The following CSRP1 variants were observed in gnomAD, a reference collection of about 807,000 sequenced individuals.
CSRP1 encodes the protein cysteine and glycine rich protein 1.
A neutral mutation model predicts 25.4 loss-of-function variants in CSRP1; 16 were observed. That is an observed-to-expected ratio of 0.63 (90% CI 0.43 to 0.96). The LOEUF (loss-of-function observed/expected upper bound fraction) is 0.96. Ranked by LOEUF, CSRP1 falls within the 40% of genes least tolerant of loss-of-function variation. The probability of loss-of-function intolerance (pLI) is 0.00; values close to 1 mark genes in which losing one functional copy is unlikely to be tolerated. For synonymous variants in CSRP1, 97 were observed against 95.3 expected (o/e 1.02, Z -0.10); for missense variants, 212 against 243.6 (o/e 0.87, Z 0.86).
chr1:201,493,140 C>T (rs975204772), intron 2 of CSRP1, among the ~76,000 whole-genome samples: 2 of 152,220 alleles, frequency 1.3e-5, no homozygotes, highest in African/African-American at 4.8e-5. Context: ...GCCTCTGAAC[C>T]ACCACCTGCT....
intron 1 of CSRP1, among the ~76,000 whole-genome samples, chr1:201,501,141 G>A (rs1664658571): frequency 6.6e-6 from 1 of 152,208 alleles, no homozygotes; most frequent in Non-Finnish European, 1.5e-5. Flanking sequence ...GAGGAGGTAT[G>A]GAAGTGATGG....
intron 1 of CSRP1, among the ~76,000 whole-genome samples, chr1:201,505,945 G>T (rs745418978): frequency 6.6e-6 from 1 of 152,246 alleles, no homozygotes; most frequent in Non-Finnish European, 1.5e-5. Context: ...GGCAAGGGAT[G>T]AGGGGAGGAC....
intron 1 of CSRP1, among the ~76,000 whole-genome samples, chr1:201,500,451 C>A (rs906260156): frequency 6.6e-6 from 1 of 152,264 alleles, no homozygotes; most frequent in Non-Finnish European, 1.5e-5. Flanking sequence ...AACCCAAGGA[C>A]CTGCCAGTAA....
At chr1:201,485,258 C>A (rs770427795) in intron 5 of CSRP1, 25 bp downstream of exon 5, 16 of 1,612,026 alleles carry the variant, frequency 9.9e-6, no homozygotes, top group Middle Eastern at 1.7e-4. Context: ...CCTCCTGACC[C>A]TCAATTAGAA....
chr1:201,496,516 C>T (rs1664520613), intron 1 of CSRP1: 2 of 583,834 alleles, frequency 3.4e-6, no homozygotes, highest in Non-Finnish European at 3.1e-6. Context: ...ATCTAATCAA[C>T]AGGTCTTTAC....
intron 4 of CSRP1, chr1:201,488,167 A>G (rs1158884240): frequency 6.6e-6 from 1 of 152,196 alleles, no homozygotes; most frequent in Non-Finnish European, 1.5e-5. Context: ...CCCAGGGGCA[A>G]GAGTTCTGCC....
At chr1:201,500,059 T>C (rs1365624197) in intron 1 of CSRP1, among the ~76,000 whole-genome samples, 2 of 152,240 alleles carry the variant, frequency 1.3e-5, no homozygotes, top group East Asian at 1.9e-4. Context: ...GGGATTCTAA[T>C]GCAAGCTCAT....
At chr1:201,490,034 C>A in intron 3 of CSRP1, 142 bp downstream of exon 3, 5 of 813,196 alleles carry the variant, frequency 6.1e-6, no homozygotes, top group Non-Finnish European at 9.5e-6. Flanking sequence ...CACATAGACA[C>A]TGCTCTGTGA....
chr1:201,486,263 G>T, intron 4 of CSRP1: 1 of 812,766 alleles, frequency 1.2e-6, no homozygotes, highest in Non-Finnish European at 1.5e-6. Context: ...ACAGTGATGG[G>T]ACGTTGCACA....
intron 3 of CSRP1, 37 bp from the exon 4 acceptor site, chr1:201,489,021 C>T (rs779816064): frequency 6.2e-7 from 1 of 1,610,988 alleles, no homozygotes; most frequent in Admixed American, 1.7e-5. Context: ...GTGACTTACA[C>T]TGTAAGTACA....
At chr1:201,485,237 A>C in intron 5 of CSRP1, 46 bp downstream of exon 5, 3 of 1,559,982 alleles carry the variant, frequency 1.9e-6, no homozygotes, top group Non-Finnish European at 2.7e-6. Context: ...TAGCCCCCCT[A>C]CCCCCTTGGG....
intron 5 of CSRP1, 134 bp from the exon 6 acceptor site, chr1:201,484,923 T>A (rs2102401814): frequency 4.1e-6 from 3 of 726,276 alleles, no homozygotes; most frequent in Non-Finnish European, 7.1e-6. Context: ...TGGTACCCCC[T>A]CACCTCCACA....
At chr1:201,492,087 A>G (rs1448134283) in intron 2 of CSRP1, 2 of 152,234 alleles carry the variant, frequency 1.3e-5, no homozygotes, top group African/African-American at 4.8e-5. Flanking sequence ...CAAGGGCTCC[A>G]ACATTCCCTT....
chr1:201,507,000 G>C (rs1291662794), intron 1 of CSRP1, 70 bp downstream of exon 1: 1 of 152,238 alleles, frequency 6.6e-6, no homozygotes, highest in African/African-American at 2.4e-5. Context: ...GGCAAGACCG[G>C]GAGGCGCTGA....
chr1:201,487,989 G>A (rs996346685), intron 4 of CSRP1: 2 of 152,234 alleles, frequency 1.3e-5, no homozygotes, highest in Non-Finnish European at 2.9e-5. Context: ...ATCCAGAAGA[G>A]ATGAAGATGG....
intron 1 of CSRP1, among the ~76,000 whole-genome samples, chr1:201,500,003 G>C (rs556604153): frequency 1.9e-4 from 29 of 152,172 alleles, no homozygotes; most frequent in Admixed American, 1.5e-3. Context: ...GGCTCAGAGC[G>C]GTTAGGCAAG....
At chr1:201,495,229 C>T (rs1338737941) in intron 2 of CSRP1, among the ~76,000 whole-genome samples, 2 of 152,112 alleles carry the variant, frequency 1.3e-5, no homozygotes, top group African/African-American at 2.4e-5. Context: ...GACCCTGTCT[C>T]TCTAAAAATT....
At chr1:201,485,472 C>A in intron 4 of CSRP1, 96 bp from the exon 5 acceptor site, 1 of 1,050,620 alleles carries the variant, frequency 9.5e-7, no homozygotes, top group Non-Finnish European at 1.4e-6. Flanking sequence ...GGTATAAGGG[C>A]TCAAGCCACT....
At chr1:201,503,061 G>T (rs1308319194) in intron 1 of CSRP1, among the ~76,000 whole-genome samples, 2 of 152,044 alleles carry the variant, frequency 1.3e-5, no homozygotes, top group Non-Finnish European at 1.5e-5. Flanking sequence ...CAGGAGAATT[G>T]CTTGAACCCG....
Sources: gnomAD v4.1 joint callset for allele counts (sites outside exome capture counted in the v4.1 genomes callset) on GRCh38, gnomAD v4.1.1 for gene constraint, MANE v1.5 for transcripts, NCBI Gene and HGNC (gene_info 2026-07-23, HGNC 2026-07-21) for gene names.